ATXN8OS: variants seen among roughly 807,000 people sequenced by gnomAD.
The protein encoded by ATXN8OS is ATXN8 opposite strand lncRNA, also known as ATXN8 opposite strand (non-protein coding).
intron 2 of ATXN8OS, among the ~76,000 whole-genome samples, chr13:70,122,944 C>A (rs1014998567): frequency 1.5e-4 from 23 of 151,942 alleles, no homozygotes; most frequent in Admixed American, 7.9e-4. Context: ...ATTCCAAATT[C>A]TCTTAGAGAC....
At chr13:70,169,009 T>G (rs2137509520) in intron 4 of ATXN8OS, among the ~76,000 whole-genome samples, 1 of 152,250 alleles carries the variant, frequency 6.6e-6, no homozygotes, top group African/African-American at 2.4e-5. Context: ...TGATGCTTAT[T>G]TTTCTAATGA....
chr13:70,161,103 T>A (rs1466116060), intron 4 of ATXN8OS, among the ~76,000 whole-genome samples: 1 of 151,698 alleles, frequency 6.6e-6, no homozygotes, highest in African/African-American at 2.4e-5. Context: ...TCTTCTAAAG[T>A]AAGCCAGTAA....
At chr13:70,138,156 T>C (rs1016688880) in intron 3 of ATXN8OS, among the ~76,000 whole-genome samples, 6 of 152,178 alleles carry the variant, frequency 3.9e-5, no homozygotes, top group African/African-American at 1.4e-4. Context: ...AGCCAGACCA[T>C]ATCGCTTGCA....
At chr13:70,109,650 T>C (rs527918690) in intron 1 of ATXN8OS, among the ~76,000 whole-genome samples, 1 of 152,310 alleles carries the variant, frequency 6.6e-6, no homozygotes, top group South Asian at 2.1e-4. Context: ...TGGACTGCAA[T>C]CCCTTGTGCC....
intron 4 of ATXN8OS, among the ~76,000 whole-genome samples, chr13:70,162,792 A>C (rs951935167): frequency 6.6e-6 from 1 of 152,130 alleles, no homozygotes; most frequent in African/African-American, 2.4e-5. Flanking sequence ...AACTGAATTT[A>C]AGTTATTGTT....
chr13:70,122,257 C>A (rs1217861077), intron 2 of ATXN8OS, among the ~76,000 whole-genome samples: 1 of 151,790 alleles, frequency 6.6e-6, no homozygotes, highest in Non-Finnish European at 1.5e-5. Flanking sequence ...AGCCTCAATT[C>A]CTCTGAAGAT....
At chr13:70,133,450 T>C (rs906896859) in intron 3 of ATXN8OS, among the ~76,000 whole-genome samples, 2 of 152,166 alleles carry the variant, frequency 1.3e-5, no homozygotes, top group East Asian at 3.8e-4. Context: ...TATTGGATTT[T>C]TAGTAATGAA....
intron 2 of ATXN8OS, among the ~76,000 whole-genome samples, chr13:70,124,154 G>A (rs1301403101): frequency 6.6e-6 from 1 of 151,970 alleles, no homozygotes; most frequent in Non-Finnish European, 1.5e-5. Context: ...TTGCCTTTGT[G>A]TATTAGCAAG....
intron 2 of ATXN8OS, among the ~76,000 whole-genome samples, chr13:70,125,079 T>C (rs964447199): frequency 1.2e-4 from 19 of 152,222 alleles, no homozygotes; most frequent in African/African-American, 3.8e-4. Context: ...CACGAAGTTG[T>C]AAATTATGGA....
intron 2 of ATXN8OS, among the ~76,000 whole-genome samples, chr13:70,115,984 T>G (rs1263072811): frequency 1.3e-5 from 2 of 152,130 alleles, no homozygotes; most frequent in African/African-American, 4.8e-5. Context: ...TTATTGTAAT[T>G]CTCAAAATTG....
At chr13:70,140,633 T>C (rs1888701404) in intron 3 of ATXN8OS, among the ~76,000 whole-genome samples, 2 of 152,082 alleles carry the variant, frequency 1.3e-5, no homozygotes, top group Admixed American at 6.5e-5. Context: ...CACCCAATTA[T>C]GTATAACTCA....
At chr13:70,117,007 AG>A (rs1888288774) in intron 2 of ATXN8OS, among the ~76,000 whole-genome samples, 1 of 152,076 alleles carries the variant, frequency 6.6e-6, no homozygotes, top group Non-Finnish European at 1.5e-5. Flanking sequence ...AAGCATGTTC[AG>A]GTCTTCCTCG....
At chr13:70,160,969 G>A (rs1336000781) in intron 4 of ATXN8OS, among the ~76,000 whole-genome samples, 1 of 151,096 alleles carries the variant, frequency 6.6e-6, no homozygotes, top group African/African-American at 2.4e-5. Flanking sequence ...AAGCAGTTTA[G>A]ATGTGTTTAA....
chr13:70,162,403 C>G (rs1889020252), intron 4 of ATXN8OS, among the ~76,000 whole-genome samples: 1 of 152,090 alleles, frequency 6.6e-6, no homozygotes, highest in Admixed American at 6.6e-5. Context: ...CTGAACCAAT[C>G]CCACAGGGAG....
rs547770099 is a variant in ATXN8OS, at chr13:70,116,465, G to A, written n.398+1167G>A. 3.9e-5 allele frequency among the ~76,000 whole-genome samples: 6 copies of A among 152,260 alleles called. No individual in the cohort carries two copies. In the East Asian group the frequency reaches 9.7e-4, roughly 25 times the overall value. ...TAGCAGAAGGAATAGAAAAGCAAGG[G>A]CCTGGGGCCATGATAAAGTTTGGTG... On this transcript the variant is annotated intron_variant and non_coding_transcript_variant, in intron 2 of 4. Transcript: ENST00000678624.
At chr13:70,145,662 T>C in intron 3 of ATXN8OS, among the ~76,000 whole-genome samples, 1 of 152,010 alleles carries the variant, frequency 6.6e-6, no homozygotes, top group Admixed American at 6.6e-5. Context: ...TGTCTGTTAT[T>C]GTTGTATAAG....
At chr13:70,116,464 G>A (rs1888280107) in intron 2 of ATXN8OS, among the ~76,000 whole-genome samples, 1 of 152,094 alleles carries the variant, frequency 6.6e-6, no homozygotes, top group Non-Finnish European at 1.5e-5. Context: ...GAAAAGCAAG[G>A]GCCTGGGGCC....
At chr13:70,167,748 T>TTTA (rs1187171615) in intron 4 of ATXN8OS, among the ~76,000 whole-genome samples, 4 of 145,386 alleles carry the variant, frequency 2.8e-5, no homozygotes, top group Admixed American at 6.9e-5. Context: ...TTTTTTTTTT[T>TTTA]TGAGACAGAC....
At chr13:70,122,313 A>G (rs1200604047) in intron 2 of ATXN8OS, among the ~76,000 whole-genome samples, 1 of 152,004 alleles carries the variant, frequency 6.6e-6, no homozygotes, top group African/African-American at 2.4e-5. Flanking sequence ...TACATCTTTA[A>G]CTTACAATTT....
Sources: gnomAD v4.1 joint callset for allele counts (sites outside exome capture counted in the v4.1 genomes callset) on GRCh38, gnomAD v4.1.1 for gene constraint, MANE v1.5 for transcripts, NCBI Gene and HGNC (gene_info 2026-07-23, HGNC 2026-07-21) for gene names.